The following CDH23 variants were observed in gnomAD, a reference collection of about 807,000 sequenced individuals.
CDH23 encodes cadherin-23.
In CDH23, 189 loss-of-function variants were observed where a neutral mutation model predicts 317.1. The ratio of observed to expected loss-of-function variants is 0.60; its 90% CI spans 0.53 to 0.67. The LOEUF (loss-of-function observed/expected upper bound fraction) is 0.67, where lower values mean the gene tolerates loss of function less well. CDH23 is among the 30% of genes least tolerant of loss of function. CDH23 has a pLI of 0.00. For synonymous variants in CDH23, 1,839 were observed against 1,876.8 expected (o/e 0.98, Z 0.52); for missense variants, 4,401 against 4,592.4 (o/e 0.96, Z 1.20).
chr10:71,703,998 C>T (rs1288214849), intron 24 of CDH23, among the ~76,000 whole-genome samples: 1 of 152,162 alleles, frequency 6.6e-6, no homozygotes, highest in Non-Finnish European at 1.5e-5. Flanking sequence ...GCTCCCTGGT[C>T]CCACCTAGGA....
rs962934170 is a variant in CDH23, at chr10:71,724,195, G to A, written c.3430+90G>A. 9 of 1,403,394 alleles carry A rather than the reference G, an allele frequency of 6.4e-6. No individual in the cohort carries two copies. The South Asian group carries it at 8.6e-5, about 13-fold the overall frequency. The allele number at this position is 1,403,394 out of a possible 1,614,324, so 86.9% of individuals were successfully genotyped here. ...GGCTGCCAAAGGTCTGGGAGATGAG[G>A]CCAAGAGAACCCCCAGGGCCATATA... On this transcript the variant is annotated intron_variant, in intron 29 of 69. Coordinates refer to ENST00000224721, the MANE Select transcript of CDH23 (RefSeq NM_022124.6).
chr10:71,717,083 C>T (rs1258610389), intron 28 of CDH23: 1 of 152,290 alleles, frequency 6.6e-6, no homozygotes, highest in Non-Finnish European at 1.5e-5. Flanking sequence ...GTGACTGCTT[C>T]CCCATGCAGT....
chr10:71,626,502 TAC>T (rs1479673505), intron 11 of CDH23, among the ~76,000 whole-genome samples: 1 of 152,188 alleles, frequency 6.6e-6, no homozygotes, highest in African/African-American at 2.4e-5. Flanking sequence ...CCCAGAAATG[TAC>T]ACCCCAGCAT....
At chr10:71,428,190 T>G (rs1463740035) in intron 1 of CDH23, among the ~76,000 whole-genome samples, 2 of 147,428 alleles carry the variant, frequency 1.4e-5, no homozygotes, top group African/African-American at 2.6e-5. Flanking sequence ...CAGGCTGGAG[T>G]GCAGTGGCAC....
At chr10:71,412,924 T>C (rs1259526847) in intron 1 of CDH23, among the ~76,000 whole-genome samples, 1 of 152,252 alleles carries the variant, frequency 6.6e-6, no homozygotes, top group African/African-American at 2.4e-5. Context: ...TTCACCGTCC[T>C]CTGGGTGGCT....
rs549009888 is a variant in CDH23 at position 71,771,912 on chromosome 10, A to G, written c.4846-5768A>G. 2.0e-5 allele frequency among the ~76,000 whole-genome samples: 3 copies of G among 152,262 alleles called. No individual in the cohort carries two copies. The East Asian group carries it at 5.8e-4, about 29-fold the overall frequency. On this transcript the variant is annotated intron_variant, in intron 38 of 69. Transcript: ENST00000224721. ...GGCAGCCCAGCCAAGTGAGGGCAGG[A>G]AGTGGGCAAGAAAGCAGGAAGGGTC...
At chr10:71,403,578 G>C (rs112360171) in intron 1 of CDH23, among the ~76,000 whole-genome samples, 2,527 of 144,004 alleles carry the variant, frequency 0.018, 58 homozygotes, top group African/African-American at 0.06. Flanking sequence ...GTGCAGTGGC[G>C]CAATCTCAGC....
At chr10:71,523,037 G>A (rs2132235878) in intron 6 of CDH23, among the ~76,000 whole-genome samples, 1 of 152,238 alleles carries the variant, frequency 6.6e-6, no homozygotes, top group African/African-American at 2.4e-5. Context: ...TTAACCCTTG[G>A]AATAGACACT....
At chr10:71,712,223 AC>A (rs1455924586) in intron 27 of CDH23, 4 of 160,024 alleles carry the variant, frequency 2.5e-5, no homozygotes, top group African/African-American at 7.2e-5. Flanking sequence ...TTTATGGGCC[AC>A]CCAGCTCACC....
At chr10:71,455,274 A>G (rs1564591182) in intron 3 of CDH23, among the ~76,000 whole-genome samples, 1 of 152,156 alleles carries the variant, frequency 6.6e-6, no homozygotes, top group African/African-American at 2.4e-5. Flanking sequence ...CCATGATACA[A>G]TTATGGAAAC....
intron 38 of CDH23, among the ~76,000 whole-genome samples, chr10:71,766,840 A>G (rs1223586215): frequency 6.6e-6 from 1 of 152,164 alleles, no homozygotes; most frequent in Non-Finnish European, 1.5e-5. Context: ...CCACCTCTCC[A>G]GAACCCTCCA....
At chr10:71,601,104 C>T (rs1253164593) in intron 9 of CDH23, among the ~76,000 whole-genome samples, 1 of 152,186 alleles carries the variant, frequency 6.6e-6, no homozygotes, top group Admixed American at 6.5e-5. Flanking sequence ...GAGTCACTGA[C>T]CAAATGCCGG....
chr10:71,711,084 G>C (rs191232520), intron 27 of CDH23, among the ~76,000 whole-genome samples: 1 of 149,022 alleles, frequency 6.7e-6, no homozygotes, highest in African/African-American at 2.4e-5. Flanking sequence ...TTCCCAGCCC[G>C]CCCATGCCCA....
chr10:71,688,982 T>TGGAGCCAGGGGTAGA (rs1865050971), intron 19 of CDH23, among the ~76,000 whole-genome samples: 1 of 16,012 alleles, frequency 6.2e-5, no homozygotes, highest in Non-Finnish European at 1.5e-4. Context: ...CCAGGGGTGG[T>TGGAGCCAGGGGTAGA]GGAGTCAGGG....
intron 3 of CDH23, among the ~76,000 whole-genome samples, chr10:71,493,498 G>A (rs966450966): frequency 3.3e-5 from 5 of 152,258 alleles, no homozygotes; most frequent in South Asian, 2.1e-4. Context: ...CATGCCTGAG[G>A]TAAGAACAGC....
intron 11 of CDH23, among the ~76,000 whole-genome samples, chr10:71,641,100 C>A (rs1426439982): frequency 6.6e-6 from 1 of 152,148 alleles, no homozygotes; most frequent in Non-Finnish European, 1.5e-5. Flanking sequence ...GAGAACTACC[C>A]CTCTTTGCCT....
chr10:71,735,010 C>T (rs1412432070), intron 34 of CDH23, among the ~76,000 whole-genome samples: 6 of 152,242 alleles, frequency 3.9e-5, no homozygotes, highest in African/African-American at 1.4e-4. Flanking sequence ...GCTTCCCTTC[C>T]TCGGGTCTAA....
At chr10:71,591,574 C>A (rs1859494850) in intron 9 of CDH23, among the ~76,000 whole-genome samples, 1 of 152,024 alleles carries the variant, frequency 6.6e-6, no homozygotes, top group South Asian at 2.1e-4. Flanking sequence ...ATGTGTGATA[C>A]CCTTAAAGAG....
chr10:71,515,850 A>G (rs1354388414), intron 6 of CDH23, among the ~76,000 whole-genome samples: 3 of 152,260 alleles, frequency 2.0e-5, no homozygotes, highest in Non-Finnish European at 4.4e-5. Flanking sequence ...TTACTAAGAG[A>G]AAGTCAAATA....
Sources: gnomAD v4.1 joint callset for allele counts (sites outside exome capture counted in the v4.1 genomes callset) on GRCh38, gnomAD v4.1.1 for gene constraint, MANE v1.5 for transcripts, NCBI Gene and HGNC (gene_info 2026-07-23, HGNC 2026-07-21) for gene names.